Variants in DPYD observed in about 807,000 individuals in gnomAD.
DPYD encodes dihydropyrimidine dehydrogenase, also known as dihydropyrimidine dehydrogenase [NADP(+)].
A neutral mutation model predicts 116.2 loss-of-function variants in DPYD; 109 were observed. The observed-to-expected ratio is 0.94, with a 90% CI of 0.80 to 1.10. The LOEUF is 1.10. Among genes scored for constraint, DPYD ranks in the 50% least tolerant of loss-of-function variants. The probability of loss-of-function intolerance (pLI) is 0.00; values close to 1 mark genes in which losing one functional copy is unlikely to be tolerated. For missense variants in DPYD, 1,302 were observed against 1,254.5 expected (o/e 1.04, Z -0.57); for synonymous variants, 440 against 432.0 (o/e 1.02, Z -0.23).
At chr1:97,642,781 A>T (rs1251570810) in intron 8 of DPYD, among the ~76,000 whole-genome samples, 1 of 150,024 alleles carries the variant, frequency 6.7e-6, no homozygotes, top group East Asian at 2.0e-4. Context: ...ACCTAATGCT[A>T]AATGACGAGT....
At chr1:97,767,519 TC>T (rs1665929553) in intron 3 of DPYD, among the ~76,000 whole-genome samples, 4 of 152,000 alleles carry the variant, frequency 2.6e-5, no homozygotes, top group Admixed American at 2.6e-4. Context: ...ACCCTGCCAT[TC>T]CTATGTGAGC....
chr1:97,267,568 A>G (rs1664317322), intron 18 of DPYD, among the ~76,000 whole-genome samples: 2 of 152,068 alleles, frequency 1.3e-5, no homozygotes, highest in African/African-American at 4.8e-5. Context: ...AGAGAGAAAG[A>G]GATTGAACTG....
intron 12 of DPYD, among the ~76,000 whole-genome samples, chr1:97,524,572 C>T (rs1648914969): frequency 6.6e-6 from 1 of 152,118 alleles, no homozygotes; most frequent in African/African-American, 2.4e-5. Context: ...GTTCTGAGGC[C>T]AAGATAACTT....
chr1:97,599,973 AG>A (rs1655149327), intron 8 of DPYD, among the ~76,000 whole-genome samples: 1 of 149,076 alleles, frequency 6.7e-6, no homozygotes. Context: ...TGCACCTGGG[AG>A]GCAGAGGTTG....
At chr1:97,648,885 A>C (rs1363474279) in intron 8 of DPYD, among the ~76,000 whole-genome samples, 1 of 152,060 alleles carries the variant, frequency 6.6e-6, no homozygotes, top group African/African-American at 2.4e-5. Context: ...CTGTTACCTC[A>C]TTTCAGTCAG....
At chr1:97,852,925 T>C (rs1025503582) in intron 2 of DPYD, among the ~76,000 whole-genome samples, 3 of 152,190 alleles carry the variant, frequency 2.0e-5, no homozygotes, top group African/African-American at 7.2e-5. Context: ...TCAGGGATAC[T>C]TCACCAATTT....
chr1:97,273,275 C>T (rs150045349), intron 18 of DPYD, among the ~76,000 whole-genome samples: 1 of 152,160 alleles, frequency 6.6e-6, no homozygotes, highest in African/African-American at 2.4e-5. Flanking sequence ...ATATAGTTTG[C>T]CATGGGCCCA....
intron 13 of DPYD, among the ~76,000 whole-genome samples, chr1:97,494,182 A>C (rs940542300): frequency 1.7e-4 from 26 of 152,304 alleles, no homozygotes; most frequent in African/African-American, 6.3e-4. Flanking sequence ...CTCTAAAAAA[A>C]TTTAAAATGT....
At chr1:97,180,617 A>AT (rs1250411037) in intron 20 of DPYD, among the ~76,000 whole-genome samples, 6 of 151,920 alleles carry the variant, frequency 3.9e-5, no homozygotes, top group African/African-American at 1.2e-4. Flanking sequence ...AACAATCCTC[A>AT]TTTTTTTTCA....
At chr1:97,763,511 T>C (rs1571318739) in intron 3 of DPYD, among the ~76,000 whole-genome samples, 1 of 152,054 alleles carries the variant, frequency 6.6e-6, no homozygotes, top group African/African-American at 2.4e-5. Flanking sequence ...AAGGCTGACC[T>C]ATCCCTTCTC....
At chr1:97,627,447 G>C (rs764066436) in intron 8 of DPYD, among the ~76,000 whole-genome samples, 1 of 152,006 alleles carries the variant, frequency 6.6e-6, no homozygotes, top group Non-Finnish European at 1.5e-5. Flanking sequence ...CTGAGAGCAC[G>C]AGGAAGCCAG....
intron 14 of DPYD, among the ~76,000 whole-genome samples, chr1:97,419,051 A>G (rs774468389): frequency 5.3e-5 from 8 of 152,194 alleles, no homozygotes; most frequent in Admixed American, 3.9e-4. Context: ...CCTACTTGCC[A>G]TGAGATCATT....
chr1:97,881,903 T>C (rs969049797), intron 2 of DPYD, among the ~76,000 whole-genome samples: 2 of 151,736 alleles, frequency 1.3e-5, no homozygotes, highest in Middle Eastern at 3.2e-3. Context: ...ATATACCTAA[T>C]GCTAAATGAC....
At chr1:97,126,505 T>C (rs1439662938) in intron 20 of DPYD, among the ~76,000 whole-genome samples, 1 of 152,098 alleles carries the variant, frequency 6.6e-6, no homozygotes, top group Non-Finnish European at 1.5e-5. Context: ...CTGGGTCTCA[T>C]ATACCCTTCC....
At chr1:97,703,635 A>G (rs1041886624) in intron 5 of DPYD, among the ~76,000 whole-genome samples, 16 of 152,020 alleles carry the variant, frequency 1.1e-4, no homozygotes, top group African/African-American at 3.9e-4. Flanking sequence ...AAAAATGCAA[A>G]GACCTCAGTA....
At chr1:97,318,458 C>T (rs906809455) in intron 16 of DPYD, among the ~76,000 whole-genome samples, 5 of 151,420 alleles carry the variant, frequency 3.3e-5, no homozygotes, top group African/African-American at 1.2e-4. Context: ...AGATTGTAAA[C>T]CAACAAAGAT....
At position 97,735,814 on chromosome 1, in the gene DPYD, T is replaced by C. The variant is rs917089749; in HGVS notation, c.321+4578A>G. Among the ~76,000 whole-genome samples the C allele has an allele frequency of 2.0e-5, 3 of 151,608 alleles. No homozygotes were observed. In the South Asian group the frequency reaches 6.2e-4, roughly 32 times the overall value. ...AAACTCTTAGAAATGAAAGATATAATTGTAGCTCAAAACTCAATGGACCAT... is the reference window on the plus strand; with the variant it reads ...AAACTCTTAGAAATGAAAGATATAACTGTAGCTCAAAACTCAATGGACCAT... On this transcript the variant is annotated intron_variant, in intron 4 of 22. Coordinates refer to ENST00000370192, the MANE Select transcript of DPYD (RefSeq NM_000110.4).
At chr1:97,326,045 G>A (rs900720723) in intron 16 of DPYD, among the ~76,000 whole-genome samples, 1 of 151,642 alleles carries the variant, frequency 6.6e-6, no homozygotes, top group East Asian at 2.0e-4. Context: ...GTCCAAGCAG[G>A]AGACCAATCA....
chr1:97,236,556 G>A (rs910392846), intron 18 of DPYD, among the ~76,000 whole-genome samples: 17 of 152,116 alleles, frequency 1.1e-4, no homozygotes, highest in African/African-American at 2.2e-4. Flanking sequence ...AGTAAGGAGC[G>A]AACGGGAGGG....
Sources: gnomAD v4.1 joint callset for allele counts (sites outside exome capture counted in the v4.1 genomes callset) on GRCh38, gnomAD v4.1.1 for gene constraint, MANE v1.5 for transcripts, NCBI Gene and HGNC (gene_info 2026-07-23, HGNC 2026-07-21) for gene names.